Variants in SPAG17 observed in about 807,000 individuals in gnomAD.
The protein encoded by SPAG17 is sperm associated antigen 17.
A neutral mutation model predicts 273.6 loss-of-function variants in SPAG17; 169 were observed. That is an observed-to-expected ratio of 0.62 (90% CI 0.55 to 0.70). The LOEUF (loss-of-function observed/expected upper bound fraction) is 0.70. Ranked by LOEUF, SPAG17 falls within the 30% of genes least tolerant of loss-of-function variation. The pLI, the probability that SPAG17 is intolerant of heterozygous loss-of-function variation, is 0.00. For synonymous variants in SPAG17, 825 were observed against 873.2 expected (o/e 0.94, Z 0.97); for missense variants, 2,557 against 2,627.8 (o/e 0.97, Z 0.59).
intron 31 of SPAG17, among the ~76,000 whole-genome samples, chr1:118,007,177 A>G (rs1658986221): frequency 1.3e-5 from 2 of 152,138 alleles, no homozygotes; most frequent in African/African-American, 4.8e-5. Flanking sequence ...ATGAAAATTT[A>G]TATCTATGTT....
At chr1:117,970,446 G>A (rs1654425626) in intron 45 of SPAG17, among the ~76,000 whole-genome samples, 1 of 152,188 alleles carries the variant, frequency 6.6e-6, no homozygotes, top group Non-Finnish European at 1.5e-5. Flanking sequence ...CAGCATGAAC[G>A]CAAATGCTGG....
chr1:118,074,037 G>A (rs1050401521), intron 16 of SPAG17, 70 bp from the exon 17 acceptor site: 76 of 1,000,506 alleles, frequency 7.6e-5, no homozygotes, highest in Admixed American at 5.5e-4. Context: ...CTTGGGCTCC[G>A]TCAACTAACC....
At chr1:118,083,803 CAG>C (rs1314227880) in intron 13 of SPAG17, among the ~76,000 whole-genome samples, 2 of 151,914 alleles carry the variant, frequency 1.3e-5, no homozygotes, top group Non-Finnish European at 2.9e-5. Context: ...AAAACAAAAA[CAG>C]AGACAGCAGG....
intron 17 of SPAG17, among the ~76,000 whole-genome samples, chr1:118,072,836 G>C (rs75118658): frequency 6.6e-6 from 1 of 152,166 alleles, no homozygotes; most frequent in Admixed American, 6.5e-5. Flanking sequence ...GCACATGTGT[G>C]TTGGATGGGG....
chr1:117,964,099 T>A (rs1170385521), intron 47 of SPAG17, 161 bp from the exon 48 acceptor site: 17 of 690,350 alleles, frequency 2.5e-5, no homozygotes, highest in Non-Finnish European at 3.1e-5. Flanking sequence ...GGCTTGGGGG[T>A]TAGAGGATGG....
intron 1 of SPAG17, among the ~76,000 whole-genome samples, chr1:118,168,458 T>G (rs2102387404): frequency 6.6e-6 from 1 of 152,292 alleles, no homozygotes; most frequent in Admixed American, 6.5e-5. Flanking sequence ...ACCAATGAGT[T>G]GGCTGATTCT....
At chr1:118,079,248 G>C (rs1297770314) in intron 15 of SPAG17, among the ~76,000 whole-genome samples, 1 of 151,970 alleles carries the variant, frequency 6.6e-6, no homozygotes, top group Admixed American at 6.6e-5. Flanking sequence ...TAATTAATTG[G>C]ATATAAGACT....
chr1:118,057,817 G>A (rs2102011663), intron 18 of SPAG17, among the ~76,000 whole-genome samples: 1 of 151,448 alleles, frequency 6.6e-6, no homozygotes, highest in South Asian at 2.1e-4. Flanking sequence ...GATTTGTTGG[G>A]GGTAAATGGA....
chr1:118,051,532 G>A (rs1377680590), intron 20 of SPAG17, among the ~76,000 whole-genome samples: 2 of 122,358 alleles, frequency 1.6e-5, no homozygotes, highest in African/African-American at 6.8e-5. Context: ...AATGAATAAA[G>A]AAAATTTGAG....
At chr1:117,960,819 T>C (rs1202701655) in intron 48 of SPAG17, 1 of 152,260 alleles carries the variant, frequency 6.6e-6, no homozygotes, top group Non-Finnish European at 1.5e-5. Context: ...TATTTGTGTG[T>C]GTTAATGTTG....
chr1:118,181,556 C>G (rs1570842001), intron 1 of SPAG17, among the ~76,000 whole-genome samples: 1 of 152,072 alleles, frequency 6.6e-6, no homozygotes, highest in Admixed American at 6.5e-5. Context: ...TTACAAGAGA[C>G]AAAGAATAAA....
At chr1:118,126,182 T>A (rs998861298) in intron 3 of SPAG17, among the ~76,000 whole-genome samples, 1 of 151,030 alleles carries the variant, frequency 6.6e-6, no homozygotes, top group African/African-American at 2.4e-5. Flanking sequence ...TTTTGAGAAA[T>A]GTCTACTCAG....
Position 118,185,086 on chromosome 1 carries a change from A to G in SPAG17, c.72T>C (p.Ala24=). 1 of 1,614,144 alleles carries G rather than the reference A, an allele frequency of 6.2e-7. No homozygotes were observed. Among genetic ancestry groups the G allele is most frequent in the South Asian group, 1.1e-5 (1 of 91,084 alleles). The change falls in exon 1 of 49, where the codon GCT becomes GCC. Residue 24 remains alanine, a synonymous_variant. Coordinates refer to ENST00000336338, the MANE Select transcript of SPAG17 (RefSeq NM_206996.4). Reference sequence around the variant, plus strand: ...CAAGGCTCACCTGATTGAACTGTGCAGCTATGAGCGAGGGTTCCCATATCT... The same window carrying G: ...CAAGGCTCACCTGATTGAACTGTGCGGCTATGAGCGAGGGTTCCCATATCT... ...SSKIWEPSLI[A]AQFNQNDWQA...
chr1:118,136,318 T>C (rs1044186916), intron 3 of SPAG17, among the ~76,000 whole-genome samples: 2 of 152,142 alleles, frequency 1.3e-5, no homozygotes, highest in Non-Finnish European at 2.9e-5. Flanking sequence ...AGAAATTGCT[T>C]CCAGTGACTT....
chr1:118,129,906 C>T lies in SPAG17; in HGVS notation c.316-14465G>A, dbSNP rs79698193. 7.4e-3 allele frequency among the ~76,000 whole-genome samples: 1,122 copies of T among 152,198 alleles called. 10 individuals carry two copies. The highest frequency in any genetic ancestry group is 0.027 in the South Asian group (129 of 4,812). On this transcript the variant is annotated intron_variant, in intron 3 of 48. Transcript: ENST00000336338. ...CTGGAGTCCTGGAGTGGGATTTCTG[C>T]TAATGTCCTGCTAGACAAAGAATGT...
At chr1:118,183,555 ATTCT>A (rs1286653814) in intron 1 of SPAG17, among the ~76,000 whole-genome samples, 1 of 152,208 alleles carries the variant, frequency 6.6e-6, no homozygotes, top group Non-Finnish European at 1.5e-5. Flanking sequence ...TTGAGTTCAA[ATTCT>A]TTCTATTAAT....
intron 3 of SPAG17, among the ~76,000 whole-genome samples, chr1:118,117,106 T>C (rs1657133129): frequency 6.6e-6 from 1 of 152,242 alleles, no homozygotes; most frequent in African/African-American, 2.4e-5. Context: ...GCCAGCTAAA[T>C]ACTGTGCTGA....
At chr1:117,970,230 G>C in intron 45 of SPAG17, 114 bp from the exon 46 acceptor site, 1 of 965,106 alleles carries the variant, frequency 1.0e-6, no homozygotes, top group Non-Finnish European at 1.5e-6. Context: ...ACAGGAGCCG[G>C]GGGTCCATAC....
intron 32 of SPAG17, among the ~76,000 whole-genome samples, chr1:117,997,417 T>A (rs191054314): frequency 8.8e-4 from 134 of 151,924 alleles, no homozygotes; most frequent in Non-Finnish European, 1.2e-4. Context: ...TGTGAAGAGT[T>A]TCAGTTACTT....
Sources: allele counts gnomAD v4.1 joint callset (sites outside exome capture counted in the v4.1 genomes callset), GRCh38; gene constraint gnomAD v4.1.1; transcripts MANE v1.5; gene names NCBI Gene and HGNC (gene_info 2026-07-23, HGNC 2026-07-21).